GNAT3: variants seen among roughly 807,000 people sequenced by gnomAD.
GNAT3 encodes G protein subunit alpha transducin 3.
GNAT3 carries 31 observed loss-of-function variants against 37.7 expected under a neutral mutation model. That is an observed-to-expected ratio of 0.82 (90% CI 0.62 to 1.11). GNAT3 has a LOEUF of 1.11. Among genes scored for constraint, GNAT3 ranks in the 50% most tolerant of loss-of-function variants. The probability of loss-of-function intolerance (pLI) is 0.00; values close to 1 mark genes in which losing one functional copy is unlikely to be tolerated. For missense variants in GNAT3, 437 were observed against 412.5 expected (o/e 1.06, Z -0.51); for synonymous variants, 138 against 139.8 (o/e 0.99, Z 0.09).
At chr7:80,471,444 G>C (rs1202539242) in intron 5 of GNAT3, among the ~76,000 whole-genome samples, 1 of 151,854 alleles carries the variant, frequency 6.6e-6, no homozygotes, top group Non-Finnish European at 1.5e-5. Context: ...TTTGTTCAGA[G>C]TGAAATAGAT....
Position 80,458,672 on chromosome 7 carries a change from T to C in GNAT3, c.1064A>G (p.Ter355=). Reference sequence around the variant, plus strand: ...AAGAGTGGAAGAGAAAATAGTTGATTAGAAAAGCCCACAGTCTTTTAGATT... The same window carrying C: ...AAGAGTGGAAGAGAAAATAGTTGATCAGAAAAGCCCACAGTCTTTTAGATT... ...KENLKDCGLF[*] is the part of the protein sequence containing the mutation. Residue 355 remains the stop codon, a stop_retained_variant, in exon 8 of 8, where the codon TAA becomes TGA. Transcript: ENST00000398291. 1 of 1,513,314 alleles carries C rather than the reference T, an allele frequency of 6.6e-7. No individual in the cohort carries two copies. The highest frequency in any genetic ancestry group is 2.3e-5 in the East Asian group (1 of 42,588). 93.7% of individuals were successfully genotyped at this position (1,513,314 alleles called of 1,614,324 possible).
At position 80,495,480 on chromosome 7, in the gene GNAT3, G is replaced by GT. The variant is rs545195975; in HGVS notation, c.119-834dup. Among the ~76,000 whole-genome samples, 258 of 148,560 alleles carry GT rather than the reference G, an allele frequency of 1.7e-3. 3 individuals are homozygous for GT. The highest frequency in any genetic ancestry group is 0.014 in the South Asian group (61 of 4,474). On this transcript the variant is annotated intron_variant, in intron 1 of 7. Coordinates refer to ENST00000398291, the MANE Select transcript of GNAT3 (RefSeq NM_001102386.3). ...TTTTTTTTTTGGTTTGTTTGTTTTT[G>GT]TTTTTTTTGAGATCGAGTCCCACTC...
intron 1 of GNAT3, among the ~76,000 whole-genome samples, chr7:80,504,476 G>A (rs1217874055): frequency 6.6e-6 from 1 of 152,146 alleles, no homozygotes; most frequent in East Asian, 1.9e-4. Context: ...AGTGAGCATA[G>A]CATCCTTTGA....
chr7:80,507,994 A>G (rs987298749), intron 1 of GNAT3, among the ~76,000 whole-genome samples: 1 of 151,990 alleles, frequency 6.6e-6, no homozygotes, highest in African/African-American at 2.4e-5. Context: ...AACTCAGATT[A>G]CATCATTAAA....
In GNAT3 at chr7:80,459,805, A is replaced by C. The variant is rs563252892; in HGVS notation, c.875-944T>G. Among the ~76,000 whole-genome samples, 3 of 152,358 alleles carry C rather than the reference A, an allele frequency of 2.0e-5. No homozygotes were observed. The South Asian group carries it at 6.2e-4, about 32-fold the overall frequency. ...TCCTTGAAGGACAAGCTTTAAAGCC[A>C]TATAACATGGCTAAAATCCAAAACA... On this transcript the variant is annotated intron_variant, in intron 7 of 7. Transcript: ENST00000398291.
At chr7:80,459,576 A>C (rs796092742) in intron 7 of GNAT3, among the ~76,000 whole-genome samples, 7 of 152,328 alleles carry the variant, frequency 4.6e-5, no homozygotes, top group South Asian at 2.1e-4. Flanking sequence ...TTAGTCCAAT[A>C]GCAGGATGTG....
At chr7:80,495,937 AGATTCTGGGTATTAGTCCTTTGTTT>A (rs1213051752) in intron 1 of GNAT3, among the ~76,000 whole-genome samples, 1 of 152,058 alleles carries the variant, frequency 6.6e-6, no homozygotes, top group Admixed American at 6.6e-5. Context: ...AATTCCTTGT[AGATTCTGGGTATTAGTCCTTTGTTT>A]GATGCATAGC....
At chr7:80,464,524 G>A (rs1239924929) in intron 5 of GNAT3, among the ~76,000 whole-genome samples, 1 of 152,014 alleles carries the variant, frequency 6.6e-6, no homozygotes, top group East Asian at 1.9e-4. Flanking sequence ...ATAGGGAATT[G>A]ACATTTTTTG....
At chr7:80,482,057 A>G (rs576779942) in intron 3 of GNAT3, among the ~76,000 whole-genome samples, 4 of 152,264 alleles carry the variant, frequency 2.6e-5, no homozygotes, top group South Asian at 2.1e-4. Flanking sequence ...CCTTGGGCAT[A>G]TGTTCTCAGG....
At chr7:80,485,816 C>A (rs1310751859) in intron 3 of GNAT3, among the ~76,000 whole-genome samples, 2 of 152,030 alleles carry the variant, frequency 1.3e-5, no homozygotes, top group Admixed American at 1.3e-4. Flanking sequence ...TAGTGGATTT[C>A]TTATGTTTTT....
At chr7:80,478,465 A>G (rs1790340213) in intron 4 of GNAT3, among the ~76,000 whole-genome samples, 1 of 152,172 alleles carries the variant, frequency 6.6e-6, no homozygotes, top group Non-Finnish European at 1.5e-5. Context: ...AATCTAGGAG[A>G]TGATTTCACT....
At chr7:80,486,550 A>G (rs1410426585) in intron 3 of GNAT3, 10 of 150,116 alleles carry the variant, frequency 6.7e-5, no homozygotes, top group African/African-American at 2.5e-4. Flanking sequence ...GCTCAAGTGA[A>G]TCTCCCACCT....
intron 2 of GNAT3, among the ~76,000 whole-genome samples, chr7:80,489,732 T>C (rs1179720002): frequency 6.6e-6 from 1 of 152,056 alleles, no homozygotes; most frequent in Non-Finnish European, 1.5e-5. Context: ...ATAACTTACA[T>C]AAGTAAATAA....
chr7:80,489,646 T>A (rs1187762565), intron 2 of GNAT3, among the ~76,000 whole-genome samples: 2 of 152,158 alleles, frequency 1.3e-5, no homozygotes, highest in Non-Finnish European at 2.9e-5. Context: ...TGTTGTTTTT[T>A]ATATTTGATT....
intron 2 of GNAT3, among the ~76,000 whole-genome samples, chr7:80,490,933 C>T (rs1226517606): frequency 6.6e-6 from 1 of 152,068 alleles, no homozygotes; most frequent in Non-Finnish European, 1.5e-5. Flanking sequence ...GGAGAAATTA[C>T]AGGACAGGAG....
At chr7:80,476,611 T>A (rs1445034783) in intron 4 of GNAT3, among the ~76,000 whole-genome samples, 1 of 151,704 alleles carries the variant, frequency 6.6e-6, no homozygotes, top group Non-Finnish European at 1.5e-5. Context: ...ACTTGAAGGA[T>A]CTCTAGATTT....
chr7:80,474,641 T>C (rs1790275943), intron 4 of GNAT3, among the ~76,000 whole-genome samples: 1 of 152,126 alleles, frequency 6.6e-6, no homozygotes, highest in Non-Finnish European at 1.5e-5. Context: ...GAATGCAGAG[T>C]GCTGAATGTG....
intron 7 of GNAT3, among the ~76,000 whole-genome samples, chr7:80,460,604 C>G (rs188525792): frequency 6.6e-6 from 1 of 151,946 alleles, no homozygotes. Context: ...AATAATTAGC[C>G]GGGCGTGGTG....
At position 80,509,746 on chromosome 7, in the gene GNAT3, C is replaced by G. The variant is rs569909585; in HGVS notation, c.118+2063G>C. 1.7e-4 allele frequency among the ~76,000 whole-genome samples: 26 copies of G among 152,148 alleles called. 2 individuals are homozygous for G. Among genetic ancestry groups the G allele is most frequent in the African/African-American group, 6.3e-4 (26 of 41,518 alleles). Reference sequence around the variant, plus strand: ...AGTTCCAAATTTAAAAAAAATCTTTCTTTTGTCCATCATTACATTGAACCT... The same window carrying G: ...AGTTCCAAATTTAAAAAAAATCTTTGTTTTGTCCATCATTACATTGAACCT... On this transcript the variant is annotated intron_variant, in intron 1 of 7. Coordinates refer to ENST00000398291, the MANE Select transcript of GNAT3 (RefSeq NM_001102386.3).
Sources: gnomAD v4.1 joint callset for allele counts (sites outside exome capture counted in the v4.1 genomes callset) on GRCh38, gnomAD v4.1.1 for gene constraint, MANE v1.5 for transcripts, NCBI Gene and HGNC (gene_info 2026-07-23, HGNC 2026-07-21) for gene names.